The following UNC13C variants were observed in gnomAD, a reference collection of about 807,000 sequenced individuals.
UNC13C encodes the protein protein unc-13 homolog C.
Under a neutral mutation model 245.4 loss-of-function variants are expected in UNC13C, and 174 were observed. The ratio of observed to expected loss-of-function variants is 0.71; its 90% CI spans 0.63 to 0.80. The LOEUF (loss-of-function observed/expected upper bound fraction) is 0.80. UNC13C is among the 30% of genes least tolerant of loss of function. The pLI, the probability that UNC13C is intolerant of heterozygous loss-of-function variation, is 0.00. For synonymous variants in UNC13C, 992 were observed against 895.1 expected (o/e 1.11, Z -1.93); for missense variants, 2,829 against 2,602.9 (o/e 1.09, Z -1.89).
In UNC13C at chr15:54,205,389, T is replaced by C. The variant is rs148589215; in HGVS notation, c.3072-29641T>C. 2.6e-5 allele frequency among the ~76,000 whole-genome samples: 4 copies of C among 152,108 alleles called. No homozygotes were observed. In the East Asian group the frequency reaches 7.7e-4, roughly 29 times the overall value. On this transcript the variant is annotated intron_variant, in intron 4 of 32. Coordinates refer to ENST00000260323, the MANE Select transcript of UNC13C (RefSeq NM_001080534.3). ...ATTTGTCTCAGCTTATGTATTTCTA[T>C]AGGCGACAAGCTCATTAAGCAATTC...
At chr15:54,538,532 G>A (rs1453167478) in intron 26 of UNC13C, among the ~76,000 whole-genome samples, 1 of 152,082 alleles carries the variant, frequency 6.6e-6, no homozygotes. Flanking sequence ...CTACCGTAAA[G>A]ACACATGCAT....
chr15:53,897,671 C>G, the UNC13C span, among the ~76,000 whole-genome samples: 3 of 152,214 alleles, frequency 2.0e-5, no homozygotes, highest in Admixed American at 6.5e-5. Context: ...TCAGGCCTTA[C>G]CCAATGCCAT....
the UNC13C span, among the ~76,000 whole-genome samples, chr15:53,886,910 A>C: frequency 1.3e-5 from 2 of 152,280 alleles, no homozygotes; most frequent in Admixed American, 6.5e-5. Context: ...GCATCCTACA[A>C]TATATGTGAG....
the UNC13C span, among the ~76,000 whole-genome samples, chr15:53,899,565 G>A: frequency 1.3e-5 from 2 of 151,972 alleles, no homozygotes; most frequent in Non-Finnish European, 1.5e-5. Context: ...CAAAATGAGC[G>A]CTTAGCTGAA....
intron 2 of UNC13C, among the ~76,000 whole-genome samples, chr15:54,022,753 C>T (rs1015218446): frequency 6.6e-6 from 1 of 152,078 alleles, no homozygotes; most frequent in African/African-American, 2.4e-5. Flanking sequence ...CTTTTTACTT[C>T]GATGTAATTC....
In UNC13C at chr15:54,568,850, T is replaced by A. The variant is rs114781794; in HGVS notation, c.6106+903T>A. On this transcript the variant is annotated intron_variant, in intron 30 of 32. Transcript: ENST00000260323. ...GGATACATTAATTTTTCTACCTATA[T>A]CAAAGATAAAGCTAAATGTGCTAGG... Among the ~76,000 whole-genome samples the A allele has an allele frequency of 5.0e-3, 766 of 152,248 alleles. 5 individuals are homozygous for A. Among genetic ancestry groups the A allele is most frequent in the African/African-American group, 0.018 (731 of 41,554 alleles).
chr15:54,597,867 A>G lies in UNC13C; in HGVS notation c.6107-24460A>G, dbSNP rs548289372. ...AATTTTCCAGTTATACCTAATACTCATGGAGCACAGTAATGACTTTTTCAA... is the reference window on the plus strand; with the variant it reads ...AATTTTCCAGTTATACCTAATACTCGTGGAGCACAGTAATGACTTTTTCAA... On this transcript the variant is annotated intron_variant, in intron 30 of 32. Transcript: ENST00000260323. Among the ~76,000 whole-genome samples the G allele has an allele frequency of 2.6e-5, 4 of 152,246 alleles. No individual in the cohort carries two copies. In the South Asian group the frequency reaches 8.3e-4, roughly 32 times the overall value.
At chr15:54,086,923 A>T (rs1359264680) in intron 2 of UNC13C, among the ~76,000 whole-genome samples, 1 of 151,140 alleles carries the variant, frequency 6.6e-6, no homozygotes, top group Non-Finnish European at 1.5e-5. Context: ...TTTAGTAGAG[A>T]CGGGGTTTCA....
chr15:54,300,119 C>G (rs188524729), intron 12 of UNC13C, 91 bp from the exon 13 acceptor site: 1 of 1,171,514 alleles, frequency 8.5e-7, no homozygotes, highest in East Asian at 2.6e-5. Flanking sequence ...GAGGCAATGA[C>G]AGTGCAAGAG....
intron 2 of UNC13C, among the ~76,000 whole-genome samples, chr15:54,016,359 A>G (rs747276990): frequency 8.5e-5 from 13 of 152,226 alleles, no homozygotes; most frequent in Non-Finnish European, 1.8e-4. Flanking sequence ...TTTCCTATCC[A>G]TTCAACAATT....
the UNC13C span, among the ~76,000 whole-genome samples, chr15:53,943,252 G>A: frequency 6.6e-6 from 1 of 152,148 alleles, no homozygotes; most frequent in Admixed American, 6.5e-5. Context: ...TTCTGAACAT[G>A]CAATTCTATT....
intron 13 of UNC13C, among the ~76,000 whole-genome samples, chr15:54,310,180 T>G (rs2140961335): frequency 6.6e-6 from 1 of 151,958 alleles, no homozygotes; most frequent in African/African-American, 2.4e-5. Flanking sequence ...TTGGTTGTAC[T>G]TGTAATCCTA....
At chr15:53,943,004 T>G in the UNC13C span, among the ~76,000 whole-genome samples, 1 of 152,224 alleles carries the variant, frequency 6.6e-6, no homozygotes, top group African/African-American at 2.4e-5. Context: ...ATGAAATCTT[T>G]CTTTTCACTA....
chr15:54,488,935 A>G (rs1480686149), intron 19 of UNC13C, among the ~76,000 whole-genome samples: 2 of 152,208 alleles, frequency 1.3e-5, no homozygotes, highest in African/African-American at 4.8e-5. Flanking sequence ...CATTCACATC[A>G]GTTGAGATTG....
chr15:54,369,859 G>A (rs929792322), intron 17 of UNC13C, among the ~76,000 whole-genome samples: 2 of 152,042 alleles, frequency 1.3e-5, no homozygotes, highest in Admixed American at 6.6e-5. Context: ...AACGCATCTC[G>A]CTTGTTTCTA....
At chr15:54,591,254 C>CT (rs1898772920) in intron 30 of UNC13C, among the ~76,000 whole-genome samples, 1 of 152,104 alleles carries the variant, frequency 6.6e-6, no homozygotes, top group African/African-American at 2.4e-5. Context: ...CTGTAGTTTT[C>CT]TTTTTTGTGT....
At chr15:54,584,888 C>A (rs894518356) in intron 30 of UNC13C, among the ~76,000 whole-genome samples, 12 of 152,122 alleles carry the variant, frequency 7.9e-5, no homozygotes, top group African/African-American at 2.9e-4. Flanking sequence ...CAAATTCTTC[C>A]AACTGTAAGC....
At chr15:53,892,994 C>G in the UNC13C span, among the ~76,000 whole-genome samples, 4 of 152,194 alleles carry the variant, frequency 2.6e-5, no homozygotes, top group African/African-American at 9.6e-5. Context: ...CTGTTTCCCC[C>G]CATCTTTGTG....
At chr15:54,237,452 A>T (rs1197128517) in intron 6 of UNC13C, 167 bp from the exon 7 acceptor site, 1 of 704,566 alleles carries the variant, frequency 1.4e-6, no homozygotes, top group East Asian at 2.7e-5. Context: ...TTAATATTGT[A>T]TAAGTCCATA....
Sources: gnomAD v4.1 joint callset for allele counts (sites outside exome capture counted in the v4.1 genomes callset) on GRCh38, gnomAD v4.1.1 for gene constraint, MANE v1.5 for transcripts, NCBI Gene and HGNC (gene_info 2026-07-23, HGNC 2026-07-21) for gene names.